The following EPHA7 variants were observed in gnomAD, a reference collection of about 807,000 sequenced individuals.
The protein encoded by EPHA7 is EPH receptor A7.
In EPHA7, 25 loss-of-function variants were observed where a neutral mutation model predicts 112.6. The observed-to-expected ratio is 0.22, with a 90% CI of 0.16 to 0.31. The LOEUF (loss-of-function observed/expected upper bound fraction) is 0.31, where lower values mean the gene tolerates loss of function less well. Ranked by LOEUF, EPHA7 falls within the 10% of genes least tolerant of loss-of-function variation. EPHA7 has a pLI of 1.00. For synonymous variants in EPHA7, 437 were observed against 406.5 expected (o/e 1.07, Z -0.90); for missense variants, 962 against 1,212.6 (o/e 0.79, Z 3.07).
At chr6:93,300,982 C>T (rs1357707694) in intron 5 of EPHA7, among the ~76,000 whole-genome samples, 1 of 152,052 alleles carries the variant, frequency 6.6e-6, no homozygotes, top group Non-Finnish European at 1.5e-5. Flanking sequence ...AATTGTAACA[C>T]AAAGGTAAGT....
At chr6:93,388,209 T>C (rs1433771509) in intron 3 of EPHA7, among the ~76,000 whole-genome samples, 1 of 152,148 alleles carries the variant, frequency 6.6e-6, no homozygotes, top group African/African-American at 2.4e-5. Context: ...TGAAAGCAAA[T>C]ATAATTTAAT....
chr6:93,300,068 C>T (rs907860509), intron 5 of EPHA7, among the ~76,000 whole-genome samples: 1 of 152,042 alleles, frequency 6.6e-6, no homozygotes, highest in African/African-American at 2.4e-5. Flanking sequence ...TACAACAAAC[C>T]CCTGTCACAC....
intron 5 of EPHA7, among the ~76,000 whole-genome samples, chr6:93,327,990 C>T (rs1006068708): frequency 1.3e-5 from 2 of 151,382 alleles, no homozygotes; most frequent in Non-Finnish European, 1.5e-5. Context: ...TCTGTTAACA[C>T]CCAACTTCCA....
chr6:93,262,355 T>C (rs1375388194), intron 9 of EPHA7, among the ~76,000 whole-genome samples: 1 of 151,446 alleles, frequency 6.6e-6, no homozygotes, highest in African/African-American at 2.4e-5. Flanking sequence ...AGTTCTGACA[T>C]TGGGGGCATA....
intron 3 of EPHA7, among the ~76,000 whole-genome samples, chr6:93,380,371 A>C (rs1777276513): frequency 6.6e-6 from 1 of 152,130 alleles, no homozygotes; most frequent in Admixed American, 6.6e-5. Context: ...CAATAAAAGC[A>C]TTCCACCATG....
chr6:93,337,074 A>C (rs962534735), intron 5 of EPHA7, among the ~76,000 whole-genome samples: 1 of 152,172 alleles, frequency 6.6e-6, no homozygotes, highest in Admixed American at 6.6e-5. Flanking sequence ...CAGTCAGTAC[A>C]GTGAGAATCT....
chr6:93,312,433 C>A (rs1342658970), intron 5 of EPHA7, among the ~76,000 whole-genome samples: 4 of 151,956 alleles, frequency 2.6e-5, no homozygotes, highest in African/African-American at 9.7e-5. Flanking sequence ...ACGAACCTAC[C>A]CTTGCTAGCA....
Position 93,377,021 on chromosome 6 carries a change from G to C in EPHA7, c.833-18610C>G, listed in dbSNP as rs531786123. 6.9e-4 allele frequency among the ~76,000 whole-genome samples: 104 copies of C among 150,734 alleles called. 1 individual carries two copies. The highest frequency in any genetic ancestry group is 2.2e-3 in the African/African-American group (89 of 41,266). On this transcript the variant is annotated intron_variant, in intron 3 of 16. Coordinates refer to ENST00000369303, the MANE Select transcript of EPHA7 (RefSeq NM_004440.4). ...AAAAAATTTACATGATAATTACAAG[G>C]CTCCAACACTTTACAAATTTTCTTA...
At chr6:93,268,778 A>G (rs561439030) in intron 7 of EPHA7, among the ~76,000 whole-genome samples, 1 of 151,900 alleles carries the variant, frequency 6.6e-6, no homozygotes, top group East Asian at 1.9e-4. Flanking sequence ...CATTTTTACT[A>G]TAATCTTGTT....
At chr6:93,254,609 T>C in intron 14 of EPHA7, 38 bp downstream of exon 14, 1 of 1,568,218 alleles carries the variant, frequency 6.4e-7, no homozygotes, top group Non-Finnish European at 8.7e-7. Flanking sequence ...GCCATTAATG[T>C]ATTCAATCCT....
In EPHA7 at chr6:93,240,356, T is replaced by TA. The variant is rs972246430; in HGVS notation, c.*3069dup. The TA allele has an allele frequency of 1.3e-5, 3 of 224,410 alleles. No homozygotes were observed. Among genetic ancestry groups the TA allele is most frequent in the African/African-American group, 6.7e-5 (3 of 44,808 alleles). The allele number at this position is 224,410 out of a possible 1,614,324, so 13.9% of individuals were successfully genotyped here. A position where few individuals can be genotyped will look rare whatever the true frequency, so the allele number is the denominator to read the frequency against. ...AGGGAGAATATCAGCATTACCTAAA[T>TA]AAAAAAGAGAGGTGAATCACACCAT... On this transcript the variant is annotated 3_prime_UTR_variant, in exon 17 of 17. Transcript: ENST00000369303.
intron 5 of EPHA7, among the ~76,000 whole-genome samples, chr6:93,332,059 C>T (rs558933996): frequency 2.6e-5 from 4 of 151,490 alleles, no homozygotes; most frequent in Admixed American, 6.6e-5. Flanking sequence ...ACTGATATCA[C>T]GGGAAACAGG....
In EPHA7 at chr6:93,295,498, T is replaced by C. The variant is rs149747467; in HGVS notation, c.1325-23076A>G. 9.0e-3 allele frequency among the ~76,000 whole-genome samples: 1,366 copies of C among 151,532 alleles called. 16 individuals are homozygous for C. Among genetic ancestry groups the C allele is most frequent in the African/African-American group, 0.031 (1,273 of 41,484 alleles). ...TTTTTAAATAAATATATAATAGATA[T>C]TTCTTTATCTAATTATACTTAAATA... On this transcript the variant is annotated intron_variant, in intron 5 of 16. Transcript: ENST00000369303.
intron 1 of EPHA7, among the ~76,000 whole-genome samples, chr6:93,418,850 C>A (rs923159347): frequency 3.3e-5 from 5 of 152,162 alleles, no homozygotes; most frequent in Non-Finnish European, 5.9e-5. Context: ...CAACTCTGGC[C>A]GCAGCTCCCA....
intron 3 of EPHA7, among the ~76,000 whole-genome samples, chr6:93,386,498 T>C (rs1243667260): frequency 6.6e-6 from 1 of 152,162 alleles, no homozygotes; most frequent in Non-Finnish European, 1.5e-5. Flanking sequence ...TTTCATGAGC[T>C]AGCAATGAGT....
chr6:93,240,302 G>T lies in EPHA7; in HGVS notation c.*3124C>A. 1 of 226,806 alleles carries T rather than the reference G, an allele frequency of 4.4e-6. No homozygotes were observed. Among genetic ancestry groups the T allele is most frequent in the Non-Finnish European group, 8.8e-6 (1 of 114,044 alleles). The allele number at this position is 226,806 out of a possible 1,614,324, so 14.0% of individuals were successfully genotyped here. The stretch of plus-strand genomic sequence containing the variant: ...ATTTGAACATGCACATCAGTGAGTA[G>T]CATAGTTCTAGGCTACTCAAGAAAC... On this transcript the variant is annotated 3_prime_UTR_variant, in exon 17 of 17. Coordinates refer to ENST00000369303, the MANE Select transcript of EPHA7 (RefSeq NM_004440.4).
chr6:93,357,182 A>G, intron 4 of EPHA7, 130 bp from the exon 5 acceptor site: 2 of 681,600 alleles, frequency 2.9e-6, no homozygotes, highest in South Asian at 4.2e-5. Context: ...ACGAGTTGAA[A>G]TGCTTTCTTT....
intron 3 of EPHA7, among the ~76,000 whole-genome samples, chr6:93,360,927 T>A (rs2127950105): frequency 6.6e-6 from 1 of 152,224 alleles, no homozygotes; most frequent in African/African-American, 2.4e-5. Context: ...ACTTACGTAA[T>A]GGGACTCAAG....
At chr6:93,394,150 CTACTAACAA>C (rs1778047220) in intron 3 of EPHA7, among the ~76,000 whole-genome samples, 1 of 151,810 alleles carries the variant, frequency 6.6e-6, no homozygotes, top group Admixed American at 6.6e-5. Flanking sequence ...ACCATTACAA[CTACTAACAA>C]TAACAAAACT....
Sources: gnomAD v4.1 joint callset for allele counts (sites outside exome capture counted in the v4.1 genomes callset) on GRCh38, gnomAD v4.1.1 for gene constraint, MANE v1.5 for transcripts, NCBI Gene and HGNC (gene_info 2026-07-23, HGNC 2026-07-21) for gene names.